ROS1: variants seen among roughly 807,000 people sequenced by gnomAD.
ROS1 encodes ROS proto-oncogene 1, receptor tyrosine kinase.
ROS1 carries 263 observed loss-of-function variants against 273.5 expected under a neutral mutation model. The ratio of observed to expected loss-of-function variants is 0.96; its 90% CI spans 0.87 to 1.06. The LOEUF is 1.06. ROS1 is among the 50% of genes least tolerant of loss of function. ROS1 has a pLI of 0.00. For synonymous variants in ROS1, 1,008 were observed against 954.1 expected, an observed-to-expected ratio of 1.06 and a Z score of -1.04; for missense variants, 2,833 against 2,751.1, an observed-to-expected ratio of 1.03 and a Z score of -0.67.
chr6:117,391,404 G>A (rs1414416229), intron 12 of ROS1, among the ~76,000 whole-genome samples: 1 of 152,166 alleles, frequency 6.6e-6, no homozygotes, highest in Non-Finnish European at 1.5e-5. Flanking sequence ...AAAAGGTGAA[G>A]AGATCTGGTG....
At chr6:117,414,690 G>GA (rs1351596351) in intron 3 of ROS1, 145 bp from the exon 4 acceptor site, 1 of 558,134 alleles carries the variant, frequency 1.8e-6, no homozygotes, top group Admixed American at 3.9e-5. Flanking sequence ...AGGGAGCCCA[G>GA]AGCAGGACCC....
In ROS1 at chr6:117,404,323, T is replaced by A. The variant is rs2128726479; in HGVS notation, c.422A>T (p.Gln141Leu). Reference sequence around the variant, plus strand: ...TCCCAGAAGTTGTGCATATTTCCACTGAATGATGTATTTTACTCCAGAGAA... The same window carrying A: ...TCCCAGAAGTTGTGCATATTTCCACAGAATGATGTATTTTACTCCAGAGAA... Reference protein sequence around the residue: ...ANFSGVKYIIQWKYAQLLGSW... With the variant: ...ANFSGVKYIILWKYAQLLGSW... The change falls in exon 6 of 44, where the codon CAG becomes CTG. Residue 141 changes from glutamine (Q) to leucine (L), a missense_variant. By Grantham distance (113) the Gln-to-Leu change is moderately radical. Transcript: ENST00000368507. 6.2e-7 allele frequency: 1 copy of A among 1,614,048 alleles called. No homozygotes were observed. Among genetic ancestry groups the A allele is most frequent in the South Asian group, 1.1e-5 (1 of 91,060 alleles).
chr6:117,403,057 TATTTC>T lies in ROS1; in HGVS notation c.604+77_604+81del, dbSNP rs1486457995. 23 of 1,482,502 alleles carry T rather than the reference TATTTC, an allele frequency of 1.6e-5. No homozygotes were observed. The African/African-American group carries it at 2.9e-4, about 19-fold the overall frequency. 91.8% of individuals were successfully genotyped at this position (1,482,502 alleles called of 1,614,324 possible). On this transcript the variant is annotated intron_variant, in intron 7 of 43. Coordinates refer to ENST00000368507, the MANE Select transcript of ROS1 (RefSeq NM_001378902.1). ...ATCGATTAATAGGAAGGAATAGATT[TATTTC>T]ATTGTTTAAAATAAAAACAAACTAA...
intron 27 of ROS1, among the ~76,000 whole-genome samples, chr6:117,345,775 T>C (rs1262871102): frequency 6.6e-6 from 1 of 152,200 alleles, no homozygotes; most frequent in Non-Finnish European, 1.5e-5. Context: ...ACTCTATCCC[T>C]AGCACATGGT....
At chr6:117,297,737 GCAGA>G (rs1381163898) in intron 43 of ROS1, among the ~76,000 whole-genome samples, 1 of 152,168 alleles carries the variant, frequency 6.6e-6, no homozygotes, top group Non-Finnish European at 1.5e-5. Flanking sequence ...TGGCGAGGAT[GCAGA>G]CAAAGAGGAA....
intron 12 of ROS1, 102 bp from the exon 13 acceptor site, chr6:117,389,948 A>G (rs1323400294): frequency 2.0e-6 from 2 of 1,025,430 alleles, no homozygotes; most frequent in Admixed American, 2.5e-5. Context: ...AGAACTATGT[A>G]TCTCTGATGT....
chr6:117,344,046 A>G lies in ROS1; in HGVS notation c.4506+14T>C. Reference sequence around the variant, plus strand: ...ATCTTGTGAAAAGACAAAGACCACTAGTTCCAATCTTACCAGAATTCTATA... The same window carrying G: ...ATCTTGTGAAAAGACAAAGACCACTGGTTCCAATCTTACCAGAATTCTATA... On this transcript the variant is annotated intron_variant, in intron 28 of 43. Coordinates refer to ENST00000368507, the MANE Select transcript of ROS1 (RefSeq NM_001378902.1). 2 of 1,584,152 alleles carry G rather than the reference A, an allele frequency of 1.3e-6. No homozygotes were observed. The highest frequency in any genetic ancestry group is 1.7e-6 in the Non-Finnish European group (2 of 1,152,888).
rs2128558551 is a variant in ROS1 at position 117,319,868 on chromosome 6, C to T, written c.5922G>A (p.Lys1974=). The part of the protein sequence containing the change: ...VGSGEIKVAV[K]TLKKGSTDQE... ...CAAGGAGTTCGAAGATTCACATTAC[C>T]TTCACTGCTACTTTGATTTCTCCAC... The change falls in exon 37 of 44, where the codon AAG becomes AAA. Residue 1974 remains lysine, a splice_region_variant and synonymous_variant. Transcript: ENST00000368507. 6.2e-7 allele frequency: 1 copy of T among 1,612,146 alleles called. No homozygotes were observed. The highest frequency in any genetic ancestry group is 8.5e-7 in the Non-Finnish European group (1 of 1,178,694).
intron 18 of ROS1, among the ~76,000 whole-genome samples, chr6:117,368,792 A>G (rs979558653): frequency 6.9e-6 from 1 of 144,486 alleles, no homozygotes; most frequent in Admixed American, 7.6e-5. Flanking sequence ...AATATTTTCT[A>G]TGAAAACTTA....
Position 117,360,691 on chromosome 6 carries a change from C to T in ROS1, c.3367-286G>A, listed in dbSNP as rs73566843. Among the ~76,000 whole-genome samples, 493 of 152,110 alleles carry T rather than the reference C, an allele frequency of 3.2e-3. 2 individuals carry two copies. The highest frequency in any genetic ancestry group is 0.011 in the African/African-American group (443 of 41,518). ...TAAAAATGTCTGGGGATTTAATGTA[C>T]AGCATGGATGGTGATGAATGTCTAA... is the stretch of plus-strand genomic sequence containing the variant. On this transcript the variant is annotated intron_variant, in intron 22 of 43. Transcript: ENST00000368507.
chr6:117,421,540 G>T (rs140596920), intron 1 of ROS1, among the ~76,000 whole-genome samples: 1 of 151,918 alleles, frequency 6.6e-6, no homozygotes, highest in East Asian at 1.9e-4. Flanking sequence ...CCAAATAATG[G>T]CCTCCATAGA....
chr6:117,363,419 C>A (rs1779966180), intron 21 of ROS1, among the ~76,000 whole-genome samples: 1 of 152,078 alleles, frequency 6.6e-6, no homozygotes, highest in Non-Finnish European at 1.5e-5. Flanking sequence ...TATTCTAGAG[C>A]CAAACCAAGC....
intron 12 of ROS1, among the ~76,000 whole-genome samples, chr6:117,391,719 A>C (rs1305600275): frequency 6.6e-6 from 1 of 152,196 alleles, no homozygotes; most frequent in African/African-American, 2.4e-5. Context: ...TGGAGCTAGA[A>C]GTCCTGGAGC....
In ROS1 at chr6:117,389,490, A is replaced by G. The variant is rs1301719041; in HGVS notation, c.1646T>C (p.Phe549Ser). 4 of 1,614,026 alleles carry G rather than the reference A, an allele frequency of 2.5e-6. No homozygotes were observed. The East Asian group carries it at 6.7e-5, about 27-fold the overall frequency. The change falls in exon 13 of 44, where the codon TTT becomes TCT. Residue 549 changes from phenylalanine to serine, a missense_variant. By Grantham distance (155) the Phe-to-Ser change is radical. Transcript: ENST00000368507. ...VGCDLSHIEE[F>S]GFGNLVIFGS... ...AAAGATGACCAAGTTACCAAACCCAAATTCTTCTATGTGACTCAGGTCACA... is the reference window on the plus strand; with the variant it reads ...AAAGATGACCAAGTTACCAAACCCAGATTCTTCTATGTGACTCAGGTCACA...
intron 18 of ROS1, among the ~76,000 whole-genome samples, chr6:117,375,089 T>A (rs538934455): frequency 2.0e-5 from 3 of 152,310 alleles, no homozygotes; most frequent in South Asian, 2.1e-4. Context: ...ATGTGGTGTA[T>A]ATATAATGGA....
chr6:117,307,201 C>A (rs3777955), intron 42 of ROS1, among the ~76,000 whole-genome samples: 1 of 151,946 alleles, frequency 6.6e-6, no homozygotes. Flanking sequence ...TTGTTATTAA[C>A]CCCCCTGCCC....
chr6:117,361,399 T>C (rs570655192), intron 22 of ROS1, among the ~76,000 whole-genome samples: 80 of 149,822 alleles, frequency 5.3e-4, no homozygotes, highest in Non-Finnish European at 9.2e-4. Flanking sequence ...TATATATTAC[T>C]ATCTGTATGA....
chr6:117,393,095 T>C (rs1773195963), intron 12 of ROS1, 129 bp downstream of exon 12: 2 of 702,074 alleles, frequency 2.8e-6, no homozygotes, highest in Non-Finnish European at 5.0e-6. Flanking sequence ...TGAATTTAAT[T>C]AAATTCACCT....
At chr6:117,369,523 G>A (rs1056965435) in intron 18 of ROS1, among the ~76,000 whole-genome samples, 1 of 151,904 alleles carries the variant, frequency 6.6e-6, no homozygotes, top group Admixed American at 6.6e-5. Flanking sequence ...GCAGTGAGCC[G>A]AGATCGCGCC....
Sources: allele counts gnomAD v4.1 joint callset (sites outside exome capture counted in the v4.1 genomes callset), GRCh38; gene constraint gnomAD v4.1.1; transcripts MANE v1.5; gene names NCBI Gene and HGNC (gene_info 2026-07-23, HGNC 2026-07-21).